Variants in GRM5 observed in about 807,000 individuals in gnomAD.
The protein encoded by GRM5 is metabotropic glutamate receptor 5.
Under a neutral mutation model 83.1 loss-of-function variants are expected in GRM5, and 19 were observed. That is an observed-to-expected ratio of 0.23 (90% confidence interval 0.16 to 0.34). GRM5 has a LOEUF of 0.34. Ranked by LOEUF, GRM5 falls within the 10% of genes least tolerant of loss-of-function variation. The probability of loss-of-function intolerance (pLI) is 1.00; values close to 1 mark genes in which losing one functional copy is unlikely to be tolerated. For missense variants in GRM5, 1,160 were observed against 1,588.3 expected, an observed-to-expected ratio of 0.73 and a Z score of 4.58; for synonymous variants, 675 against 633.6, an observed-to-expected ratio of 1.07 and a Z score of -0.98.
intron 4 of GRM5, among the ~76,000 whole-genome samples, chr11:88,618,028 G>A (rs960371666): frequency 2.0e-5 from 3 of 152,148 alleles, no homozygotes; most frequent in Admixed American, 6.6e-5. Flanking sequence ...ACCAACTTTT[G>A]AGAACTCAAC....
At chr11:88,602,629 C>T (rs1938031216) in intron 5 of GRM5, among the ~76,000 whole-genome samples, 1 of 152,152 alleles carries the variant, frequency 6.6e-6, no homozygotes, top group South Asian at 2.1e-4. Flanking sequence ...AATATAGTGT[C>T]TTTAAAATTT....
At chr11:88,592,644 TC>T (rs774495173) in intron 6 of GRM5, among the ~76,000 whole-genome samples, 1 of 152,332 alleles carries the variant, frequency 6.6e-6, no homozygotes, top group Non-Finnish European at 1.5e-5. Flanking sequence ...AACATTACAA[TC>T]TCTTTTTGAA....
intron 3 of GRM5, among the ~76,000 whole-genome samples, chr11:88,747,107 C>G (rs750147284): frequency 6.6e-6 from 1 of 152,186 alleles, no homozygotes; most frequent in East Asian, 1.9e-4. Flanking sequence ...TATTCCATTT[C>G]TAACAAACAA....
At chr11:88,566,280 G>T (rs1335825347) in intron 8 of GRM5, among the ~76,000 whole-genome samples, 2 of 152,108 alleles carry the variant, frequency 1.3e-5, no homozygotes, top group African/African-American at 4.8e-5. Flanking sequence ...CTTTTGAAGT[G>T]CTTTGGGATC....
intron 2 of GRM5, among the ~76,000 whole-genome samples, chr11:88,986,209 T>C (rs560993429): frequency 1.3e-5 from 2 of 152,262 alleles, no homozygotes; most frequent in East Asian, 3.9e-4. Context: ...ACAACTAATA[T>C]AATCTCTAGA....
At chr11:88,668,891 TG>T (rs1940121492) in intron 3 of GRM5, among the ~76,000 whole-genome samples, 3 of 152,194 alleles carry the variant, frequency 2.0e-5, no homozygotes, top group Admixed American at 2.0e-4. Flanking sequence ...AGTTGAATCA[TG>T]AAGTATTTGT....
chr11:88,771,448 A>G (rs907531497), intron 3 of GRM5, among the ~76,000 whole-genome samples: 1 of 152,140 alleles, frequency 6.6e-6, no homozygotes, highest in African/African-American at 2.4e-5. Context: ...GCAGGAGTCC[A>G]AAGGCTGAAA....
intron 3 of GRM5, among the ~76,000 whole-genome samples, chr11:88,743,732 A>G (rs10831343): frequency 0.082 from 12,471 of 152,204 alleles, 845 homozygotes; most frequent in Admixed American, 0.17. Flanking sequence ...TGAGGCAAAT[A>G]CAATCACATT....
At chr11:88,697,319 C>A (rs1339908560) in intron 3 of GRM5, among the ~76,000 whole-genome samples, 1 of 152,140 alleles carries the variant, frequency 6.6e-6, no homozygotes, top group Non-Finnish European at 1.5e-5. Flanking sequence ...CATGATGACC[C>A]TTGTGTTTGG....
At chr11:88,509,539 G>T (rs372092089) in intron 9 of GRM5, 35 bp from the exon 10 acceptor site, 131 of 1,546,588 alleles carry the variant, frequency 8.5e-5, no homozygotes, top group Middle Eastern at 8.4e-4. Context: ...GTGACTCAGC[G>T]AGGTGCCCAG....
intron 9 of GRM5, among the ~76,000 whole-genome samples, chr11:88,520,938 G>A (rs1266627569): frequency 6.6e-6 from 1 of 152,100 alleles, no homozygotes; most frequent in African/African-American, 2.4e-5. Context: ...TATCACAAAA[G>A]AGTAATAATA....
At chr11:88,685,799 G>C (rs1940608103) in intron 3 of GRM5, among the ~76,000 whole-genome samples, 1 of 152,184 alleles carries the variant, frequency 6.6e-6, no homozygotes, top group Non-Finnish European at 1.5e-5. Context: ...GACTGCAGGT[G>C]GACAGAAGTC....
chr11:88,513,124 C>T (rs1026524765), intron 9 of GRM5, among the ~76,000 whole-genome samples: 2 of 152,072 alleles, frequency 1.3e-5, no homozygotes, highest in Non-Finnish European at 2.9e-5. Context: ...CCTTAATTGT[C>T]TTGTCTTAAA....
At chr11:88,662,056 C>G (rs1167634243) in intron 3 of GRM5, among the ~76,000 whole-genome samples, 1 of 152,004 alleles carries the variant, frequency 6.6e-6, no homozygotes, top group Non-Finnish European at 1.5e-5. Context: ...TCAGAACATT[C>G]AAAAGAAGGG....
chr11:89,021,394 C>T (rs1940980284), intron 2 of GRM5, among the ~76,000 whole-genome samples: 2 of 152,168 alleles, frequency 1.3e-5, no homozygotes, highest in Non-Finnish European at 2.9e-5. Context: ...TGGATAACTG[C>T]TTCCTTAATC....
intron 3 of GRM5, among the ~76,000 whole-genome samples, chr11:88,746,710 G>A (rs1942152975): frequency 6.6e-6 from 1 of 152,130 alleles, no homozygotes; most frequent in East Asian, 1.9e-4. Flanking sequence ...TATAGCCAAA[G>A]ATAGAGACTG....
intron 2 of GRM5, among the ~76,000 whole-genome samples, chr11:88,974,461 T>C (rs1157688231): frequency 6.6e-6 from 1 of 152,124 alleles, no homozygotes. Flanking sequence ...GCTTTAAATA[T>C]ATGTTCAATA....
At chr11:88,886,167 G>T (rs1565277272) in intron 2 of GRM5, among the ~76,000 whole-genome samples, 1 of 152,170 alleles carries the variant, frequency 6.6e-6, no homozygotes, top group Non-Finnish European at 1.5e-5. Context: ...TCTCTATAGA[G>T]AAAGCTGTTT....
At chr11:88,661,932 A>G (rs559836512) in intron 3 of GRM5, among the ~76,000 whole-genome samples, 3 of 152,282 alleles carry the variant, frequency 2.0e-5, no homozygotes, top group Non-Finnish European at 4.4e-5. Context: ...ATTGTTCAGA[A>G]AAAGATAATG....
Sources: allele counts gnomAD v4.1 joint callset (sites outside exome capture counted in the v4.1 genomes callset), GRCh38; gene constraint gnomAD v4.1.1; transcripts MANE v1.5; gene names NCBI Gene and HGNC (gene_info 2026-07-23, HGNC 2026-07-21).